TPD52: variants seen among roughly 807,000 people sequenced by gnomAD.
The protein encoded by TPD52 is prostate and colon associated protein.
TPD52 carries 17 observed loss-of-function variants against 31.3 expected under a neutral mutation model. The ratio of observed to expected loss-of-function variants is 0.54; its 90% CI spans 0.37 to 0.82. The LOEUF (loss-of-function observed/expected upper bound fraction) is 0.82. TPD52 is among the 40% of genes least tolerant of loss of function. The pLI, the probability that TPD52 is intolerant of heterozygous loss-of-function variation, is 0.00. For synonymous variants in TPD52, 83 were observed against 89.6 expected, an observed-to-expected ratio of 0.93 and a Z score of 0.42; for missense variants, 212 against 240.1, an observed-to-expected ratio of 0.88 and a Z score of 0.77.
intron 1 of TPD52, among the ~76,000 whole-genome samples, chr8:80,076,964 G>A (rs1814624008): frequency 6.6e-6 from 1 of 150,704 alleles, no homozygotes; most frequent in Non-Finnish European, 1.5e-5. Context: ...ACTGCGCCCA[G>A]CCAAAAGTTT....
intron 1 of TPD52, among the ~76,000 whole-genome samples, chr8:80,169,892 C>A (rs1423771245): frequency 1.3e-5 from 2 of 151,848 alleles, no homozygotes; most frequent in African/African-American, 4.8e-5. Flanking sequence ...TCAGGACAAC[C>A]AAAGATGAAA....
At chr8:80,033,321 G>C (rs547746551), downstream of TPD52, 3 of 144,190 alleles carry the variant, frequency 2.1e-5, no homozygotes, top group South Asian at 2.3e-4. Flanking sequence ...GGGGGGTTGG[G>C]GGGGGGACAT....
intron 1 of TPD52, chr8:80,119,917 T>C: frequency 2.8e-6 from 1 of 362,566 alleles, no homozygotes. Flanking sequence ...ATATACACAA[T>C]TAAAATGTTA....
intron 1 of TPD52, among the ~76,000 whole-genome samples, chr8:80,085,320 T>C (rs986983129): frequency 6.6e-6 from 1 of 152,168 alleles, no homozygotes; most frequent in Non-Finnish European, 1.5e-5. Context: ...GAAATGGTAG[T>C]AGGTACAAAT....
chr8:80,167,464 G>A (rs1254920524), intron 1 of TPD52, among the ~76,000 whole-genome samples: 1 of 152,138 alleles, frequency 6.6e-6, no homozygotes, highest in Non-Finnish European at 1.5e-5. Context: ...TTCCCCTAGG[G>A]ACTAGGCAGC....
intron 1 of TPD52, 123 bp downstream of exon 1, chr8:80,171,302 C>T: frequency 7.7e-7 from 1 of 1,296,474 alleles, no homozygotes; most frequent in Non-Finnish European, 1.1e-6. Context: ...CTTGCGGCGC[C>T]GGCCCAGGAG....
chr8:80,126,533 G>C (rs1211774449), intron 1 of TPD52, among the ~76,000 whole-genome samples: 2 of 147,062 alleles, frequency 1.4e-5, no homozygotes, highest in Admixed American at 1.4e-4. Context: ...CCAGGCTGGA[G>C]GGCAGTGGTG....
At chr8:80,081,269 T>C (rs1815258335) in intron 1 of TPD52, among the ~76,000 whole-genome samples, 1 of 152,064 alleles carries the variant, frequency 6.6e-6, no homozygotes, top group Admixed American at 6.6e-5. Context: ...CTTCTTTGTT[T>C]GTCTAAGGCC....
At chr8:80,052,775 T>C in intron 3 of TPD52, 4 of 681,242 alleles carry the variant, frequency 5.9e-6, no homozygotes, top group Admixed American at 6.3e-5. Context: ...GCCAAGAGCA[T>C]ATATCTGAGA....
Position 80,064,517 on chromosome 8 carries a change from C to A in TPD52, c.96G>T (p.Ser32=). The change falls in exon 2 of 8, where the codon TCG becomes TCT. Residue 32 remains serine (S), a synonymous_variant. Transcript: ENST00000518937. ...TTCTTAGCTCTTCCTGCTCCTCTTC[C>A]GAGAGGGTCTCTGTGGCACTGATCG... is the stretch of plus-strand genomic sequence containing the variant. ...AATISATETL[S]EEEQEELRRE... is the part of the protein sequence containing the mutation. 1 of 1,614,150 alleles carries A rather than the reference C, an allele frequency of 6.2e-7. No homozygotes were observed. Among genetic ancestry groups the A allele is most frequent in the South Asian group, 1.1e-5 (1 of 91,082 alleles).
chr8:80,139,602 A>G (rs1391168166), intron 1 of TPD52, among the ~76,000 whole-genome samples: 1 of 151,670 alleles, frequency 6.6e-6, no homozygotes, highest in Non-Finnish European at 1.5e-5. Flanking sequence ...AATTCAGCAC[A>G]ACCATGAAAA....
At chr8:80,066,955 A>G (rs1373079316) in intron 1 of TPD52, 1 of 152,204 alleles carries the variant, frequency 6.6e-6, no homozygotes, top group Non-Finnish European at 1.5e-5. Context: ...TCCAACTACA[A>G]CAGATCTCCA....
chr8:80,159,878 T>G (rs1174123881), intron 1 of TPD52, among the ~76,000 whole-genome samples: 1 of 152,242 alleles, frequency 6.6e-6, no homozygotes, highest in Non-Finnish European at 1.5e-5. Flanking sequence ...GAGATGTTCC[T>G]AGCCCTATAA....
chr8:80,122,242 C>T (rs961593427), intron 1 of TPD52, among the ~76,000 whole-genome samples: 1 of 152,060 alleles, frequency 6.6e-6, no homozygotes, highest in South Asian at 2.1e-4. Context: ...TGCAGGAAAA[C>T]AGAGGGAACT....
At position 80,053,441 on chromosome 8, in the gene TPD52, G is replaced by A. The variant is rs768603425; in HGVS notation, c.136-11C>T. 1 of 1,611,972 alleles carries A rather than the reference G, an allele frequency of 6.2e-7. No individual in the cohort carries two copies. The highest frequency in any genetic ancestry group is 1.3e-5 in the African/African-American group (1 of 74,934). ...GATTTCTTCTTCTACCTATGAGGAA[G>A]GGGTTTGGGGTAAGAATATAGCAAA... On this transcript the variant is annotated splice_polypyrimidine_tract_variant and intron_variant, in intron 2 of 7. Coordinates refer to ENST00000518937, the MANE Select transcript of TPD52 (RefSeq NM_001025253.3).
chr8:80,161,413 CT>C (rs932051676), intron 1 of TPD52, among the ~76,000 whole-genome samples: 1 of 152,112 alleles, frequency 6.6e-6, no homozygotes, highest in African/African-American at 2.4e-5. Flanking sequence ...TGCTAGAAGT[CT>C]TTTTGATTGA....
chr8:80,047,020 C>G (rs562795686), intron 5 of TPD52, among the ~76,000 whole-genome samples: 1 of 152,298 alleles, frequency 6.6e-6, no homozygotes, highest in South Asian at 2.1e-4. Context: ...GTATGCTTTT[C>G]ACAGCTATTG....
intron 1 of TPD52, among the ~76,000 whole-genome samples, chr8:80,142,267 T>C (rs1004669794): frequency 2.6e-5 from 4 of 152,168 alleles, no homozygotes; most frequent in African/African-American, 9.7e-5. Flanking sequence ...GGAGAGCAGT[T>C]AGCCTAGTCA....
intron 1 of TPD52, among the ~76,000 whole-genome samples, chr8:80,070,026 G>T (rs553853663): frequency 6.6e-6 from 1 of 152,278 alleles, no homozygotes; most frequent in East Asian, 1.9e-4. Flanking sequence ...ATTCTTTAAA[G>T]ATTTAATTAA....
Sources: gnomAD v4.1 joint callset for allele counts (sites outside exome capture counted in the v4.1 genomes callset) on GRCh38, gnomAD v4.1.1 for gene constraint, MANE v1.5 for transcripts, NCBI Gene and HGNC (gene_info 2026-07-23, HGNC 2026-07-21) for gene names.